The following EIF2AK4 variants were observed in gnomAD, a reference collection of about 807,000 sequenced individuals.
EIF2AK4 encodes eIF-2-alpha kinase GCN2.
A neutral mutation model predicts 211.1 loss-of-function variants in EIF2AK4; 139 were observed. The observed-to-expected ratio is 0.66, with a 90% CI of 0.57 to 0.76. The LOEUF (loss-of-function observed/expected upper bound fraction) is 0.76. Among genes scored for constraint, EIF2AK4 ranks in the 30% least tolerant of loss-of-function variants. The pLI is 0.00. For missense variants in EIF2AK4, 1,664 were observed against 2,043.8 expected, an observed-to-expected ratio of 0.81 and a Z score of 3.58; for synonymous variants, 710 against 751.3, an observed-to-expected ratio of 0.94 and a Z score of 0.90.
Position 39,973,753 on chromosome 15 carries a change from T to G in EIF2AK4, c.1818+4T>G. 1.9e-6 allele frequency: 3 copies of G among 1,614,072 alleles called. No individual in the cohort carries two copies. On this transcript the variant is annotated splice_donor_region_variant and intron_variant, in intron 11 of 38. Coordinates refer to ENST00000263791, the MANE Select transcript of EIF2AK4 (RefSeq NM_001013703.4). ...AGCTTTTGGAGCTGTCATCAAGGTG[T>G]GGTACAGAGTCATTCCCAGTCCCCT...
At chr15:39,941,573 A>G (rs1386647204) in intron 2 of EIF2AK4, among the ~76,000 whole-genome samples, 1 of 152,242 alleles carries the variant, frequency 6.6e-6, no homozygotes, top group African/African-American at 2.4e-5. Flanking sequence ...AAGTGCTATA[A>G]TGTTATATAA....
chr15:40,032,103 G>T, intron 35 of EIF2AK4, 66 bp from the exon 36 acceptor site: 1 of 1,297,842 alleles, frequency 7.7e-7, no homozygotes. Context: ...CCTGGGATAG[G>T]AAATAAGATG....
At chr15:40,001,323 C>T (rs895948890) in intron 21 of EIF2AK4, 99 bp downstream of exon 21, 48 of 1,218,660 alleles carry the variant, frequency 3.9e-5, no homozygotes, top group Non-Finnish European at 5.4e-5. Flanking sequence ...AACATAAGTT[C>T]TTATGTGAGG....
intron 18 of EIF2AK4, among the ~76,000 whole-genome samples, chr15:39,993,659 A>T (rs2034981986): frequency 6.6e-6 from 1 of 152,254 alleles, no homozygotes. Context: ...CAGGGGACAG[A>T]GGCATGAAGT....
At chr15:40,019,628 G>T (rs556306645) in intron 30 of EIF2AK4, among the ~76,000 whole-genome samples, 34 of 152,224 alleles carry the variant, frequency 2.2e-4, no homozygotes, top group African/African-American at 7.7e-4. Context: ...CGCTCCTTAG[G>T]AGAATCTAAC....
chr15:39,967,167 G>A (rs2034554945), intron 8 of EIF2AK4, among the ~76,000 whole-genome samples, 177 bp from the exon 9 acceptor site: 1 of 151,766 alleles, frequency 6.6e-6, no homozygotes, highest in Non-Finnish European at 1.5e-5. Context: ...TTCAGTTTAG[G>A]GCATATTTGT....
At chr15:40,022,882 C>T (rs571463816) in intron 32 of EIF2AK4, among the ~76,000 whole-genome samples, 4 of 152,246 alleles carry the variant, frequency 2.6e-5, no homozygotes, top group Admixed American at 1.3e-4. Context: ...TGCAGGTGCC[C>T]GCCACCACGC....
At chr15:39,944,932 G>A (rs1414714897) in intron 3 of EIF2AK4, among the ~76,000 whole-genome samples, 1 of 152,194 alleles carries the variant, frequency 6.6e-6, no homozygotes, top group Non-Finnish European at 1.5e-5. Context: ...GTCCATTTAA[G>A]TTGCTGCTTC....
chr15:39,945,666 G>A (rs924878418), intron 3 of EIF2AK4, among the ~76,000 whole-genome samples: 3 of 151,924 alleles, frequency 2.0e-5, no homozygotes, highest in African/African-American at 7.3e-5. Flanking sequence ...TATGGAAGAA[G>A]GTGCCATCTA....
chr15:39,984,558 G>T (rs1024826048), intron 13 of EIF2AK4, among the ~76,000 whole-genome samples: 1 of 152,098 alleles, frequency 6.6e-6, no homozygotes, highest in East Asian at 1.9e-4. Context: ...TCCTTGAAGA[G>T]GTCCTTCACA....
chr15:39,961,432 T>C (rs1338035715), intron 6 of EIF2AK4, among the ~76,000 whole-genome samples: 2 of 152,250 alleles, frequency 1.3e-5, no homozygotes, highest in Non-Finnish European at 2.9e-5. Flanking sequence ...CCACTAGCCA[T>C]GTATGGCTAT....
At chr15:39,970,136 G>T (rs1392696770) in intron 9 of EIF2AK4, among the ~76,000 whole-genome samples, 4 of 152,356 alleles carry the variant, frequency 2.6e-5, no homozygotes, top group African/African-American at 9.6e-5. Context: ...ACCATCCTCA[G>T]TAGTGAGAAC....
intron 1 of EIF2AK4, among the ~76,000 whole-genome samples, chr15:39,934,719 T>G (rs1337790868): frequency 6.6e-6 from 1 of 152,264 alleles, no homozygotes; most frequent in African/African-American, 2.4e-5. Context: ...CTTGCTACTT[T>G]GTTCTGAGAA....
intron 23 of EIF2AK4, among the ~76,000 whole-genome samples, chr15:40,006,049 A>G (rs1455960975): frequency 6.6e-6 from 1 of 152,202 alleles, no homozygotes; most frequent in Non-Finnish European, 1.5e-5. Context: ...GACCGTGCAC[A>G]TCAGGTTGTT....
chr15:40,001,486 C>T lies in EIF2AK4; in HGVS notation c.3159+262C>T, dbSNP rs59093688. 4.9e-3 allele frequency among the ~76,000 whole-genome samples: 750 copies of T among 152,048 alleles called. 6 individuals are homozygous for T. The highest frequency in any genetic ancestry group is 0.017 in the African/African-American group (697 of 41,460). ...AGAAGCAGTGCCTACAAAAATTAGC[C>T]GTGCGTGGTGGCATGCACCTGTAAT... On this transcript the variant is annotated intron_variant, in intron 21 of 38. Transcript: ENST00000263791.
intron 14 of EIF2AK4, among the ~76,000 whole-genome samples, chr15:39,987,538 G>A (rs1225750381): frequency 2.0e-5 from 3 of 152,148 alleles, no homozygotes; most frequent in African/African-American, 7.2e-5. Context: ...AGACTTGAAT[G>A]TTTTAATATT....
intron 9 of EIF2AK4, 115 bp from the exon 10 acceptor site, chr15:39,972,793 A>G (rs1272293390): frequency 1.3e-6 from 1 of 744,816 alleles, no homozygotes. Context: ...TCTTTGAGTA[A>G]CATGAATTCT....
intron 18 of EIF2AK4, among the ~76,000 whole-genome samples, chr15:39,993,279 A>G (rs1322477072): frequency 1.3e-5 from 2 of 152,212 alleles, no homozygotes; most frequent in African/African-American, 2.4e-5. Context: ...ATCTTGGGCA[A>G]GGTGCCAGGA....
intron 31 of EIF2AK4, 83 bp downstream of exon 31, chr15:40,021,110 C>G (rs935543817): frequency 1.4e-6 from 2 of 1,442,226 alleles, no homozygotes; most frequent in South Asian, 1.5e-5. Flanking sequence ...TATAGACTGT[C>G]AAACTCTGTT....
Sources: allele counts gnomAD v4.1 joint callset (sites outside exome capture counted in the v4.1 genomes callset), GRCh38; gene constraint gnomAD v4.1.1; transcripts MANE v1.5; gene names NCBI Gene and HGNC (gene_info 2026-07-23, HGNC 2026-07-21).